The following SPTBN5 variants were observed in gnomAD, a reference collection of about 807,000 sequenced individuals.
SPTBN5 encodes the protein spectrin beta chain, non-erythrocytic 5.
A neutral mutation model predicts 477.6 loss-of-function variants in SPTBN5; 513 were observed. The ratio of observed to expected loss-of-function variants is 1.07; its 90% CI spans 1.00 to 1.16. The LOEUF is 1.16. SPTBN5 is among the 50% of genes most tolerant of loss of function. SPTBN5 has a pLI of 0.00. For missense variants in SPTBN5, 5,062 were observed against 4,731.8 expected (o/e 1.07, Z -2.05); for synonymous variants, 2,169 against 2,011.7 (o/e 1.08, Z -2.09).
chr15:41,872,189 T>C lies in SPTBN5; in HGVS notation c.5165+113A>G, dbSNP rs78618135. On this transcript the variant is annotated intron_variant, in intron 27 of 67. Coordinates refer to ENST00000320955, the MANE Select transcript of SPTBN5 (RefSeq NM_016642.4). ...CAACACACACCCTTTTCCCAATGCA[T>C]CTCTACAGCCTGGGGTCATGGGTTC... The C allele has an allele frequency of 0.02, 27,414 of 1,348,742 alleles. 515 individuals carry two copies. The highest frequency in any genetic ancestry group is 0.081 in the South Asian group (5,395 of 66,672). The allele number at this position is 1,348,742 out of a possible 1,614,324, so 83.5% of individuals were successfully genotyped here.
Position 41,848,442 on chromosome 15 carries a change from A to T in SPTBN5, c.*174T>A. 2 of 719,020 alleles carry T rather than the reference A, an allele frequency of 2.8e-6. No individual in the cohort carries two copies. The highest frequency in any genetic ancestry group is 4.9e-6 in the Non-Finnish European group (2 of 406,376). 44.5% of individuals were successfully genotyped at this position (719,020 alleles called of 1,614,324 possible). On this transcript the variant is annotated 3_prime_UTR_variant, in exon 68 of 68. Coordinates refer to ENST00000320955, the MANE Select transcript of SPTBN5 (RefSeq NM_016642.4). ...CCAGGCAATGGCTGTTTCCTGCCAC[A>T]TGGTAGGACCCATCTAACCAGAAGG...
At position 41,877,104 on chromosome 15, in the gene SPTBN5, C is replaced by T. The variant is rs763072659; in HGVS notation, c.3711+12G>A. On this transcript the variant is annotated intron_variant, in intron 18 of 67. Transcript: ENST00000320955. The stretch of plus-strand genomic sequence containing the variant: ...GGGAGTGACAGCCTAGCTCCACATT[C>T]CTGCTCCATACCCCAAGGTTGTCCA... 6.2e-7 allele frequency: 1 copy of T among 1,613,574 alleles called. No homozygotes were observed. Among genetic ancestry groups the T allele is most frequent in the South Asian group, 1.1e-5 (1 of 90,952 alleles).
chr15:41,886,069 G>A lies in SPTBN5; in HGVS notation c.1186C>T (p.Leu396=), dbSNP rs758576135. Residue 396 remains leucine (L), a synonymous_variant, in exon 7 of 68, where the codon CTG becomes TTG. Coordinates refer to ENST00000320955, the MANE Select transcript of SPTBN5 (RefSeq NM_016642.4). ...TCCAGCCCTGCCCAGCACTGGGACA[G>A]CTCTGCAAGGCCCAGGCCCTCATGA... ...LPHEGLGLAE[L]SQCWAGLEWA... 2.5e-6 allele frequency: 4 copies of A among 1,596,304 alleles called. No individual in the cohort carries two copies. The South Asian group carries it at 3.4e-5, about 13-fold the overall frequency.
At chr15:41,893,724 C>A in intron 1 of SPTBN5, 175 bp downstream of exon 1, 1 of 693,076 alleles carries the variant, frequency 1.4e-6, no homozygotes, top group Non-Finnish European at 2.3e-6. Context: ...GCCCCCTTTG[C>A]CCCACCCCAC....
intron 32 of SPTBN5, 137 bp from the exon 33 acceptor site, chr15:41,868,738 C>T: frequency 1.4e-6 from 1 of 736,096 alleles, no homozygotes; most frequent in South Asian, 1.7e-5. Flanking sequence ...TCGGGTGAGG[C>T]ACATGTGGCC....
chr15:41,862,234 A>G lies in SPTBN5; in HGVS notation c.7444T>C (p.Leu2482=). The change falls in exon 44 of 68, where the codon TTG becomes CTG. Residue 2482 remains leucine (L), a synonymous_variant. Coordinates refer to ENST00000320955, the MANE Select transcript of SPTBN5 (RefSeq NM_016642.4). ...CGCAGCCTCTGGGCGCTGACCAGCA[A>G]TTCCTGCAGCATTGCCTGGAGTTTC... The part of the protein sequence containing the change: ...AQKLQAMLQE[L]LVSAQRLRAQ... 6.2e-7 allele frequency: 1 copy of G among 1,611,772 alleles called. No individual in the cohort carries two copies. The highest frequency in any genetic ancestry group is 1.7e-5 in the Admixed American group (1 of 59,952).
chr15:41,887,991 A>G lies in SPTBN5; in HGVS notation c.596T>C (p.Ile199Thr). The change falls in exon 5 of 68, where the codon ATT becomes ACT. Residue 199 changes from isoleucine to threonine, a missense_variant. By Grantham distance (89) the Ile-to-Thr change is moderately conservative (BLOSUM62 -1). Transcript: ENST00000320955. Reference protein sequence around the residue: ...RKTASYTNVNITDFSRSWSDG... With the variant: ...RKTASYTNVNTTDFSRSWSDG... ...GCTCCAGCTTCGGGAGAAATCTGTA[A>G]TGTTCACGTTGGTGTAGCTGGCTGT... is the stretch of plus-strand genomic sequence containing the variant. The G allele has an allele frequency of 1.2e-6, 2 of 1,605,288 alleles. No homozygotes were observed. The highest frequency in any genetic ancestry group is 1.7e-6 in the Non-Finnish European group (2 of 1,176,230).
intron 41 of SPTBN5, 143 bp from the exon 42 acceptor site, chr15:41,863,046 C>T: frequency 1.4e-6 from 1 of 731,152 alleles, no homozygotes; most frequent in Non-Finnish European, 2.3e-6. Context: ...CCAGAGATCT[C>T]TTCCTTATGT....
intron 20 of SPTBN5, 47 bp from the exon 21 acceptor site, chr15:41,876,331 G>A: frequency 6.7e-7 from 1 of 1,497,470 alleles, no homozygotes. Context: ...GGTGGGTGGG[G>A]GCTGGTGCCT....
At chr15:41,888,145 G>A in intron 4 of SPTBN5, 60 bp from the exon 5 acceptor site, 1 of 1,508,082 alleles carries the variant, frequency 6.6e-7, no homozygotes, top group Non-Finnish European at 8.9e-7. Flanking sequence ...CAGAGAGCCT[G>A]CAGGCTGTGG....
chr15:41,851,019 C>T (rs1169526045), intron 65 of SPTBN5, 40 bp downstream of exon 65: 10 of 1,598,330 alleles, frequency 6.3e-6, no homozygotes, highest in African/African-American at 1.3e-5. Flanking sequence ...AGCCAGGTGG[C>T]TGCTGGGGGT....
intron 48 of SPTBN5, 48 bp from the exon 49 acceptor site, chr15:41,858,796 C>A: frequency 6.3e-7 from 1 of 1,581,516 alleles, no homozygotes; most frequent in East Asian, 2.3e-5. Flanking sequence ...TTTCCCCTTC[C>A]CCTGACCTCT....
rs2066162693 is a variant in SPTBN5 at position 41,862,824 on chromosome 15, T to C, written c.7229A>G (p.Glu2410Gly). The C allele has an allele frequency of 1.9e-6, 3 of 1,585,544 alleles. No individual in the cohort carries two copies. The highest frequency in any genetic ancestry group is 2.3e-5 in the East Asian group (1 of 43,322). ...GGCCTGGATGGGGTGCACTTCCCGC[T>C]CCAGCTCCTCGTGTTTCCGCAGCAG... ...QRLLRKHEEL[E>G]REVHPIQAQV... The change falls in exon 42 of 68, where the codon GAG becomes GGG. Residue 2410 changes from glutamate to glycine, a missense_variant. Glu to Gly is a moderately conservative substitution (Grantham distance 98). Transcript: ENST00000320955.
intron 12 of SPTBN5, 138 bp downstream of exon 12, chr15:41,881,798 T>C (rs1478106582): frequency 4.0e-6 from 3 of 745,670 alleles, no homozygotes; most frequent in Non-Finnish European, 6.1e-6. Context: ...AGGACTGGGG[T>C]GAGGGACACC....
rs574008587 is a variant in SPTBN5, at chr15:41,864,290, T to A, written c.6919-266A>T. ...AATGGGATCCCTGCACTGGGTACCA[T>A]GTAGGAGGGGGAGAGTGGGCACATG... is the stretch of plus-strand genomic sequence containing the variant. On this transcript the variant is annotated intron_variant, in intron 39 of 67. Coordinates refer to ENST00000320955, the MANE Select transcript of SPTBN5 (RefSeq NM_016642.4). 1.9e-4 allele frequency among the ~76,000 whole-genome samples: 29 copies of A among 152,266 alleles called. No individual in the cohort carries two copies. The South Asian group carries it at 6.0e-3, about 32-fold the overall frequency.
At chr15:41,868,271 T>G in intron 33 of SPTBN5, 53 bp from the exon 34 acceptor site, 1 of 1,569,004 alleles carries the variant, frequency 6.4e-7, no homozygotes, top group Non-Finnish European at 8.6e-7. Flanking sequence ...GTGGGTGAGG[T>G]GAGGACTGGA....
intron 39 of SPTBN5, among the ~76,000 whole-genome samples, chr15:41,865,554 A>T (rs2066270622): frequency 6.6e-6 from 1 of 152,232 alleles, no homozygotes. Flanking sequence ...GGATAGGTCT[A>T]TGCAGTTTTA....
rs1414151272 is a variant in SPTBN5, at chr15:41,878,568, C to T, written c.3244G>A (p.Gly1082Arg). 21 of 1,612,722 alleles carry T rather than the reference C, an allele frequency of 1.3e-5. No individual in the cohort carries two copies. The highest frequency in any genetic ancestry group is 1.8e-5 in the Non-Finnish European group (21 of 1,179,750). ...TGTTCCTGTACTTGCTTCAGCAGCC[C>T]CTGCAGTGTCTCCACCTGTCCTTGC... ...PLQGQVETLQ[G>R]LLKQVQEQVA... is the part of the protein sequence containing the mutation. The change falls in exon 17 of 68, where the codon GGG (glycine) becomes AGG (arginine). Residue 1082 changes from glycine (G) to arginine (R), a missense_variant. By Grantham distance (125) the Gly-to-Arg change is moderately radical. Transcript: ENST00000320955.
Position 41,889,769 on chromosome 15 carries a change from T to G in SPTBN5, c.501+320A>C, listed in dbSNP as rs560133169. Among the ~76,000 whole-genome samples, 7 of 152,354 alleles carry G rather than the reference T, an allele frequency of 4.6e-5. No homozygotes were observed. The South Asian group carries it at 1.4e-3, about 32-fold the overall frequency. ...TGTAATGGAAGTTACAGAGCCTCAG[T>G]GCCAAGTGGGGAGCACCACACAGGG... On this transcript the variant is annotated intron_variant, in intron 4 of 67. Transcript: ENST00000320955.
Sources: allele counts gnomAD v4.1 joint callset (sites outside exome capture counted in the v4.1 genomes callset), GRCh38; gene constraint gnomAD v4.1.1; transcripts MANE v1.5; gene names NCBI Gene and HGNC (gene_info 2026-07-23, HGNC 2026-07-21).